Variants in POU2AF2 observed in about 807,000 individuals in gnomAD.
POU2AF2 encodes POU domain class 2-associating factor 2.
the POU2AF2 span, among the ~76,000 whole-genome samples, chr11:111,264,512 G>T: frequency 2.6e-5 from 1 of 38,116 alleles, no homozygotes; most frequent in Non-Finnish European, 5.1e-5. Flanking sequence ...AAGAAAGAAA[G>T]AAAGAAAGAA....
the POU2AF2 span, among the ~76,000 whole-genome samples, chr11:111,276,918 A>C: frequency 6.6e-6 from 1 of 152,220 alleles, no homozygotes; most frequent in African/African-American, 2.4e-5. Context: ...GAAGAAGGAA[A>C]TGAACCTAGA....
the POU2AF2 span, among the ~76,000 whole-genome samples, chr11:111,261,507 G>C: frequency 1.3e-5 from 2 of 152,028 alleles, no homozygotes; most frequent in African/African-American, 4.8e-5. Context: ...TTTTAATCAA[G>C]TTTTTCTTAA....
the POU2AF2 span, chr11:111,284,201 G>GTTTA: frequency 1.2e-6 from 2 of 1,614,216 alleles, no homozygotes; most frequent in Non-Finnish European, 1.7e-6. Flanking sequence ...GTTTCCCTGT[G>GTTTA]AGTCCTCCGC....
chr11:111,285,897 C>G, the POU2AF2 span: 6 of 1,613,624 alleles, frequency 3.7e-6, no homozygotes, highest in Non-Finnish European at 5.1e-6. Flanking sequence ...TACCCCTTCA[C>G]CCCTTTCATG....
At chr11:111,284,348 T>C in the POU2AF2 span, 2 of 1,608,890 alleles carry the variant, frequency 1.2e-6, no homozygotes, top group South Asian at 1.1e-5. Flanking sequence ...GCCACCGCCC[T>C]TCCCCGGAGA....
the POU2AF2 span, among the ~76,000 whole-genome samples, chr11:111,281,130 G>T: frequency 6.6e-6 from 1 of 152,196 alleles, no homozygotes; most frequent in Non-Finnish European, 1.5e-5. Flanking sequence ...TGGAACAGTA[G>T]AAGATGAAGG....
At chr11:111,246,085 T>C in the POU2AF2 span, among the ~76,000 whole-genome samples, 3 of 152,214 alleles carry the variant, frequency 2.0e-5, no homozygotes, top group Admixed American at 2.0e-4. Flanking sequence ...TTTGATTTTG[T>C]TTTGCTTTAT....
chr11:111,253,194 G>A, the POU2AF2 span, among the ~76,000 whole-genome samples: 3 of 152,058 alleles, frequency 2.0e-5, no homozygotes, highest in Non-Finnish European at 4.4e-5. Flanking sequence ...CTGTTCCCCA[G>A]GCTTCCATCT....
the POU2AF2 span, among the ~76,000 whole-genome samples, chr11:111,266,113 T>G: frequency 2.0e-5 from 3 of 152,180 alleles, no homozygotes; most frequent in South Asian, 6.2e-4. Flanking sequence ...AAAAACAGCT[T>G]CAAATGACAA....
chr11:111,265,149 G>A, the POU2AF2 span, among the ~76,000 whole-genome samples: 49 of 152,224 alleles, frequency 3.2e-4, no homozygotes, highest in Admixed American at 1.4e-3. Context: ...GACGTGCAGC[G>A]GATGAACCAA....
chr11:111,278,556 GTCTC>G, the POU2AF2 span, among the ~76,000 whole-genome samples: 15,929 of 148,240 alleles, frequency 0.11, 864 homozygotes, highest in Middle Eastern at 0.17. Context: ...CTCTCTCTCT[GTCTC>G]TCTCTCTCTC....
At chr11:111,284,150 C>G in the POU2AF2 span, 1 of 1,614,152 alleles carries the variant, frequency 6.2e-7, no homozygotes, top group Non-Finnish European at 8.5e-7. Flanking sequence ...CAACAGTAAA[C>G]AGTTTTCAAA....
At chr11:111,281,075 C>A in the POU2AF2 span, among the ~76,000 whole-genome samples, 5 of 152,010 alleles carry the variant, frequency 3.3e-5, no homozygotes, top group African/African-American at 1.2e-4. Context: ...ACTGGATATG[C>A]GTATATATAG....
the POU2AF2 span, among the ~76,000 whole-genome samples, chr11:111,250,722 T>G: frequency 3.3e-5 from 5 of 152,306 alleles, no homozygotes; most frequent in East Asian, 1.9e-4. Context: ...CTGGGGAGGA[T>G]GCAACTTGAA....
At chr11:111,270,620 A>G in the POU2AF2 span, among the ~76,000 whole-genome samples, 2 of 152,226 alleles carry the variant, frequency 1.3e-5, no homozygotes, top group African/African-American at 2.4e-5. Context: ...AAATTAAGTC[A>G]TATAAAAAGT....
the POU2AF2 span, among the ~76,000 whole-genome samples, chr11:111,254,532 A>G: frequency 6.6e-6 from 1 of 152,206 alleles, no homozygotes; most frequent in South Asian, 2.1e-4. Context: ...AGGTGATTAT[A>G]CCCATTTTAC....
chr11:111,259,647 G>A, the POU2AF2 span, among the ~76,000 whole-genome samples: 1 of 152,084 alleles, frequency 6.6e-6, no homozygotes. Flanking sequence ...ATGGCCAAAG[G>A]GGACTAGAAT....
At chr11:111,278,064 A>G in the POU2AF2 span, among the ~76,000 whole-genome samples, 1 of 152,250 alleles carries the variant, frequency 6.6e-6, no homozygotes, top group Admixed American at 6.5e-5. Flanking sequence ...GTGTTAAAAT[A>G]TTAAACAGGA....
At chr11:111,257,645 A>G in the POU2AF2 span, among the ~76,000 whole-genome samples, 1 of 152,076 alleles carries the variant, frequency 6.6e-6, no homozygotes, top group Admixed American at 6.6e-5. Flanking sequence ...GAGTGCTGGG[A>G]TTACAGGCGT....
Sources: allele counts gnomAD v4.1 joint callset (sites outside exome capture counted in the v4.1 genomes callset), GRCh38; gene constraint gnomAD v4.1.1; transcripts MANE v1.5; gene names NCBI Gene and HGNC (gene_info 2026-07-23, HGNC 2026-07-21).